Variants in PCNP observed in about 807,000 individuals in gnomAD.
PCNP encodes the protein PEST proteolytic signal-containing nuclear protein.
Under a neutral mutation model 21.8 loss-of-function variants are expected in PCNP, and 6 were observed. The observed-to-expected ratio is 0.28, with a 90% CI of 0.15 to 0.54. PCNP has a LOEUF of 0.54. PCNP is among the 20% of genes least tolerant of loss of function. The pLI, the probability that PCNP is intolerant of heterozygous loss-of-function variation, is 0.95. For missense variants in PCNP, 161 were observed against 215.5 expected (o/e 0.75, Z 1.58); for synonymous variants, 67 against 73.2 (o/e 0.92, Z 0.43).
At chr3:101,586,443 T>G (rs1935510391) in intron 3 of PCNP, among the ~76,000 whole-genome samples, 1 of 152,020 alleles carries the variant, frequency 6.6e-6, no homozygotes. Flanking sequence ...GACTCTGACA[T>G]TAAAACCTAA....
At chr3:101,581,418 TTA>T (rs1935213707) in intron 2 of PCNP, among the ~76,000 whole-genome samples, 1 of 151,486 alleles carries the variant, frequency 6.6e-6, no homozygotes. Flanking sequence ...TTTAATTTAT[TTA>T]TTTATATTTA....
In PCNP at chr3:101,594,046, T is replaced by C. The variant is rs1935941172; in HGVS notation, c.*1293T>C. The C allele has an allele frequency of 6.6e-6, 1 of 152,524 alleles. No individual in the cohort carries two copies. Among genetic ancestry groups the C allele is most frequent in the Non-Finnish European group, 1.5e-5 (1 of 68,024 alleles). The allele number at this position is 152,524 out of a possible 1,614,324, so 9.4% of individuals were successfully genotyped here. A position where few individuals can be genotyped will look rare whatever the true frequency, so the allele number is the denominator to read the frequency against. ...TTCCTTGAAAACTCCTACAATATTATATTTGGAGGCAGCTTCAGACTGTTT... is the reference window on the plus strand; with the variant it reads ...TTCCTTGAAAACTCCTACAATATTACATTTGGAGGCAGCTTCAGACTGTTT... On this transcript the variant is annotated 3_prime_UTR_variant, in exon 5 of 5. Coordinates refer to ENST00000265260, the MANE Select transcript of PCNP (RefSeq NM_020357.3).
chr3:101,583,796 C>T (rs1935356292), intron 2 of PCNP, among the ~76,000 whole-genome samples: 1 of 150,194 alleles, frequency 6.7e-6, no homozygotes, highest in South Asian at 2.1e-4. Context: ...TACAGGTGTG[C>T]ATCACCACCA....
At chr3:101,585,285 G>C in intron 2 of PCNP, 152 bp from the exon 3 acceptor site, 1 of 526,868 alleles carries the variant, frequency 1.9e-6, no homozygotes, top group Middle Eastern at 4.9e-4. Context: ...TTTGAAAAGA[G>C]AGAATGGATT....
At chr3:101,575,002 G>C (rs1342698549) in intron 1 of PCNP, 2 of 152,160 alleles carry the variant, frequency 1.3e-5, no homozygotes, top group Non-Finnish European at 2.9e-5. Context: ...AGATACTTAG[G>C]CGACTAAATA....
chr3:101,583,508 T>G (rs1212744761), intron 2 of PCNP, among the ~76,000 whole-genome samples: 2 of 152,100 alleles, frequency 1.3e-5, no homozygotes, highest in African/African-American at 4.8e-5. Flanking sequence ...CCCACCTACT[T>G]GAGAGGCTGA....
At chr3:101,588,779 G>A (rs995201540) in intron 3 of PCNP, among the ~76,000 whole-genome samples, 19 of 152,200 alleles carry the variant, frequency 1.2e-4, no homozygotes, top group African/African-American at 4.3e-4. Context: ...TTAGTTTCAC[G>A]TTTCTTACTT....
intron 2 of PCNP, 23 bp from the exon 3 acceptor site, chr3:101,585,414 T>G: frequency 7.1e-7 from 1 of 1,413,526 alleles, no homozygotes; most frequent in Non-Finnish European, 9.9e-7. Flanking sequence ...CATGATATTC[T>G]TTTTAATATG....
intron 1 of PCNP, chr3:101,576,601 T>A (rs11551024): frequency 1.2e-6 from 2 of 1,610,966 alleles, no homozygotes; most frequent in African/African-American, 1.3e-5. Context: ...GGCCCGAATC[T>A]TCTTCAGTCG....
At chr3:101,590,720 T>A (rs1177609388) in intron 4 of PCNP, among the ~76,000 whole-genome samples, 1 of 151,964 alleles carries the variant, frequency 6.6e-6, no homozygotes, top group Non-Finnish European at 1.5e-5. Context: ...GATTTTTTTT[T>A]TTATTTTTAG....
In PCNP at chr3:101,593,174, G is replaced by A. The variant is rs1935905057; in HGVS notation, c.*421G>A. On this transcript the variant is annotated 3_prime_UTR_variant, in exon 5 of 5. Transcript: ENST00000265260. The stretch of plus-strand genomic sequence containing the variant: ...TCCCAGGAACAGCCTTATAGAGAGA[G>A]GGAGTATTGTATTGGGAAGAAAATG... 6.5e-6 allele frequency: 1 copy of A among 152,976 alleles called. No homozygotes were observed. The highest frequency in any genetic ancestry group is 1.5e-5 in the Non-Finnish European group (1 of 68,310). 9.5% of individuals were successfully genotyped at this position (152,976 alleles called of 1,614,324 possible). A position where few individuals can be genotyped will look rare whatever the true frequency, so the allele number is the denominator to read the frequency against.
At chr3:101,590,095 T>C in intron 3 of PCNP, 120 bp from the exon 4 acceptor site, 1 of 658,808 alleles carries the variant, frequency 1.5e-6, no homozygotes. Context: ...TTTCTCCTTT[T>C]ACCAAAATTT....
rs1335530122 is a variant in PCNP, at chr3:101,592,696, G to A, written c.480G>A (p.Lys160=). ...KGKHGFSDNQ[K]LWERNIKSHL... Reference sequence around the variant, plus strand: ...AGCATGGGTTTTCTGATAACCAGAAGCTGTGGGAGCGAAATATAAAATCTC... The same window carrying A: ...AGCATGGGTTTTCTGATAACCAGAAACTGTGGGAGCGAAATATAAAATCTC... The change falls in exon 5 of 5, where the codon AAG becomes AAA. Residue 160 remains lysine, a synonymous_variant. Coordinates refer to ENST00000265260, the MANE Select transcript of PCNP (RefSeq NM_020357.3). 5.0e-6 allele frequency: 8 copies of A among 1,613,224 alleles called. No homozygotes were observed. The highest frequency in any genetic ancestry group is 6.8e-6 in the Non-Finnish European group (8 of 1,179,394).
intron 2 of PCNP, among the ~76,000 whole-genome samples, chr3:101,581,898 G>A (rs1208939529): frequency 6.6e-6 from 1 of 151,094 alleles, no homozygotes; most frequent in Admixed American, 6.6e-5. Context: ...GCACCACCAC[G>A]CCTGGCTAAT....
intron 1 of PCNP, among the ~76,000 whole-genome samples, chr3:101,577,281 A>G (rs1934969854): frequency 6.6e-6 from 1 of 152,228 alleles, no homozygotes; most frequent in Non-Finnish European, 1.5e-5. Context: ...AAAATGTTAA[A>G]GAAGAGCTAG....
intron 1 of PCNP, among the ~76,000 whole-genome samples, chr3:101,575,170 C>T (rs944097933): frequency 1.3e-5 from 2 of 152,162 alleles, no homozygotes; most frequent in African/African-American, 4.8e-5. Context: ...AGACAAGTGA[C>T]TTAACACGTG....
At position 101,592,886 on chromosome 3, in the gene PCNP, T is replaced by C. The variant is rs1268131801; in HGVS notation, c.*133T>C. On this transcript the variant is annotated 3_prime_UTR_variant, in exon 5 of 5. Transcript: ENST00000265260. Reference sequence around the variant, plus strand: ...TTCATTTTTTTAAAAGATTGAGTGGTACACTAATAAATGAGAGTTTGAAAT... The same window carrying C: ...TTCATTTTTTTAAAAGATTGAGTGGCACACTAATAAATGAGAGTTTGAAAT... 3 of 605,122 alleles carry C rather than the reference T, an allele frequency of 5.0e-6. No homozygotes were observed. In the African/African-American group the frequency reaches 5.8e-5, roughly 12 times the overall value. The allele number at this position is 605,122 out of a possible 1,614,324, so 37.5% of individuals were successfully genotyped here. A position where few individuals can be genotyped will look rare whatever the true frequency, so the allele number is the denominator to read the frequency against.
intron 2 of PCNP, among the ~76,000 whole-genome samples, chr3:101,580,823 A>G (rs927287113): frequency 6.6e-6 from 1 of 152,234 alleles, no homozygotes; most frequent in Non-Finnish European, 1.5e-5. Flanking sequence ...ACCTTCAACC[A>G]AATAGATTTC....
At position 101,576,606 on chromosome 3, in the gene PCNP, C is replaced by A; in HGVS notation, c.64+2327C>A. 5 of 1,611,288 alleles carry A rather than the reference C, an allele frequency of 3.1e-6. No homozygotes were observed. The South Asian group carries it at 4.4e-5, about 14-fold the overall frequency. Reference sequence around the variant, plus strand: ...GCCCTCTATGGGCCCGAATCTTCTTCAGTCGCTCCAGGTCTTCACGGAGCT... The same window carrying A: ...GCCCTCTATGGGCCCGAATCTTCTTAAGTCGCTCCAGGTCTTCACGGAGCT... On this transcript the variant is annotated intron_variant, in intron 1 of 4. Transcript: ENST00000265260.
Sources: gnomAD v4.1 joint callset for allele counts (sites outside exome capture counted in the v4.1 genomes callset) on GRCh38, gnomAD v4.1.1 for gene constraint, MANE v1.5 for transcripts, NCBI Gene and HGNC (gene_info 2026-07-23, HGNC 2026-07-21) for gene names.